Variants in C2CD4D observed in about 807,000 individuals in gnomAD.
C2CD4D encodes C2 calcium-dependent domain-containing protein 4D.
C2CD4D carries 1 observed loss-of-function variant against 0.2 expected under a neutral mutation model. That is an observed-to-expected ratio of 4.00 (90% CI 1.42 to 18.99). The LOEUF is 18.99. C2CD4D is among the 30% of genes most tolerant of loss of function. The pLI is 0.11. For synonymous variants in C2CD4D, 269 were observed against 279.8 expected (o/e 0.96, Z 0.39); for missense variants, 552 against 551.2 (o/e 1.00, Z -0.01).
rs1300152762 is a variant in C2CD4D at position 151,839,689 on chromosome 1, C to T, written c.-231-469G>A. ...TTCTGCTCCTGGCAGCCAGGGGACA[C>T]ACCTGGCTGCTGACCTCAGGACACC... On this transcript the variant is annotated intron_variant, in intron 1 of 1. In the 5' UTR this introduces an upstream ATG that the reference lacks. Transcript: ENST00000454109. 6.6e-6 allele frequency among the ~76,000 whole-genome samples: 1 copy of T among 152,154 alleles called. No individual in the cohort carries two copies. The highest frequency in any genetic ancestry group is 2.4e-5 in the African/African-American group (1 of 41,436).
exon 2 of C2CD4D, chr1:151,838,485 G>A (rs754762655): frequency 7.2e-7 from 1 of 1,397,488 alleles, no homozygotes; most frequent in South Asian, 1.6e-5. Context: ...TCTGGGGACA[G>A]AGAGTGAGGC....
At chr1:151,839,483 T>C (rs1652715631) in intron 1 of C2CD4D, among the ~76,000 whole-genome samples, 181 bp downstream of exon 1, 2 of 152,120 alleles carry the variant, frequency 1.3e-5, no homozygotes, top group Admixed American at 6.5e-5. Context: ...CCCCCGCCCA[T>C]TTCGAAGACT....
exon 2 of C2CD4D, chr1:151,837,903 G>A: frequency 6.7e-7 from 1 of 1,495,504 alleles, no homozygotes; most frequent in Non-Finnish European, 9.0e-7. Flanking sequence ...CAGTGGAGAC[G>A]TCCTGAGGAA....
Position 151,838,050 on chromosome 1 carries a change from C to A in C2CD4D, c.940G>T (p.Ala314Ser), listed in dbSNP as rs1466057028. ...AGCAGCACATCCCTGCGAAGTCCCG[C>A]GCCCCTGTCTAGCACCTTGGCTCTC... is the stretch of plus-strand genomic sequence containing the variant. Residue 314 changes from alanine (A) to serine (S), a missense_variant, in exon 2 of 2, where the codon GCG (alanine) becomes TCG (serine). By Grantham distance (99) the Ala-to-Ser change is moderately conservative. Transcript: ENST00000454109. 7.1e-6 allele frequency: 11 copies of A among 1,551,506 alleles called. No individual in the cohort carries two copies. The East Asian group carries it at 2.2e-4, about 31-fold the overall frequency.
chr1:151,839,110 G>A (rs778911504), exon 2 of C2CD4D: 1 of 1,170,180 alleles, frequency 8.5e-7, no homozygotes, highest in Non-Finnish European at 1.2e-6. Context: ...TCAGAGGTGA[G>A]TGATGCTGGC....
At chr1:151,837,949 C>T (rs1188430164) in exon 2 of C2CD4D, 2 of 1,540,396 alleles carry the variant, frequency 1.3e-6, no homozygotes, top group Non-Finnish European at 1.8e-6. Flanking sequence ...GATGGGTGGG[C>T]GCCAGGGATG....
chr1:151,838,283 A>G, exon 2 of C2CD4D: 1 of 1,321,378 alleles, frequency 7.6e-7, no homozygotes, highest in Admixed American at 4.0e-5. Context: ...CACTAGGCGC[A>G]GCCGCAGCCG....
intron 1 of C2CD4D, among the ~76,000 whole-genome samples, 134 bp downstream of exon 1, chr1:151,839,530 G>A (rs1652717137): frequency 6.6e-6 from 1 of 152,160 alleles, no homozygotes; most frequent in African/African-American, 2.4e-5. Context: ...GCGCCCCTTG[G>A]GACTTCCTCC....
rs564914374 is a variant in C2CD4D, at chr1:151,838,660, C to A, written c.330G>T (p.Pro110=). 6.8e-3 allele frequency: 9,206 copies of A among 1,363,064 alleles called. 49 individuals are homozygous for A. The highest frequency in any genetic ancestry group is 8.0e-3 in the Non-Finnish European group (8,478 of 1,059,364). 84.4% of individuals were successfully genotyped at this position (1,363,064 alleles called of 1,614,324 possible). ...GGAGTCCCCCGGCCGGGGCAGGTGG[C>A]GGCCCGTGGAACAGGGATTCCCGCC... The change falls in exon 2 of 2, where the codon CCG becomes CCT. Residue 110 remains proline (P), a synonymous_variant. Coordinates refer to ENST00000454109, the Ensembl canonical transcript of C2CD4D.
rs916502288 is a variant in C2CD4D at position 151,838,468 on chromosome 1, C to T, written c.522G>A (p.Ala174=). ...AGTGCGGGCTGGTATCGGCCGAGCTCGCTTTTTCTGGGGACAGAGAGTGAG... is the reference window on the plus strand; with the variant it reads ...AGTGCGGGCTGGTATCGGCCGAGCTTGCTTTTTCTGGGGACAGAGAGTGAG... The change falls in exon 2 of 2, where the codon GCG becomes GCA. Residue 174 remains alanine, a synonymous_variant. Coordinates refer to ENST00000454109, the Ensembl canonical transcript of C2CD4D. The T allele has an allele frequency of 3.6e-6, 5 of 1,396,376 alleles. No homozygotes were observed. The African/African-American group carries it at 7.5e-5, about 21-fold the overall frequency. The allele number at this position is 1,396,376 out of a possible 1,614,324, so 86.5% of individuals were successfully genotyped here. A position where few individuals can be genotyped will look rare whatever the true frequency, so the allele number is the denominator to read the frequency against.
exon 2 of C2CD4D, chr1:151,838,540 G>T: frequency 7.5e-7 from 1 of 1,332,534 alleles, no homozygotes; most frequent in East Asian, 3.1e-5. Flanking sequence ...GGGAGCCGAA[G>T]GGCGACGAGT....
At chr1:151,839,863 A>G (rs1453431776) in intron 1 of C2CD4D, among the ~76,000 whole-genome samples, 43 bp from the exon 1 acceptor site, 1 of 148,788 alleles carries the variant, frequency 6.7e-6, no homozygotes, top group African/African-American at 2.5e-5. Context: ...CCTACTCTCC[A>G]CTCCTTTTCT....
At chr1:151,838,105 G>A (rs560988825) in exon 2 of C2CD4D, 3 of 1,551,444 alleles carry the variant, frequency 1.9e-6, no homozygotes, top group East Asian at 2.4e-5. Context: ...CCGGGGGGCC[G>A]AGCCCGTCGA....
At chr1:151,839,082 G>C (rs1652693448) in exon 2 of C2CD4D, 1 of 1,422,796 alleles carries the variant, frequency 7.0e-7, no homozygotes. Flanking sequence ...GCGGGGCTGG[G>C]CGAGGAGCGC....
At chr1:151,839,338 T>G in intron 1 of C2CD4D, 118 bp from the exon 2 acceptor site, 1 of 317,276 alleles carries the variant, frequency 3.2e-6, no homozygotes, top group Non-Finnish European at 5.8e-6. Context: ...ACCTTACAGT[T>G]AGAGGGCCCA....
At position 151,838,927 on chromosome 1, in the gene C2CD4D, C is replaced by T. The variant is rs1047652770; in HGVS notation, c.63G>A (p.Ala21=). 15 of 1,549,944 alleles carry T rather than the reference C, an allele frequency of 9.7e-6. 1 individual carries two copies. In the African/African-American group the frequency reaches 1.1e-4, roughly 11 times the overall value. ...GACGCTTGGAGAACAGGCCGGAAGG[C>T]GCCCAACGGGCCGCAGGCTCCGCGG... The change falls in exon 2 of 2, where the codon GCG becomes GCA. Residue 21 remains alanine (A), a synonymous_variant. Coordinates refer to ENST00000454109, the Ensembl canonical transcript of C2CD4D.
At chr1:151,838,000 A>C (rs1333788152) in exon 2 of C2CD4D, 2 of 1,550,988 alleles carry the variant, frequency 1.3e-6, no homozygotes, top group Non-Finnish European at 1.7e-6. Flanking sequence ...GCAGCAGCGC[A>C]ATGAGGGGCG....
At chr1:151,838,714 G>T in exon 2 of C2CD4D, 1 of 1,355,810 alleles carries the variant, frequency 7.4e-7, no homozygotes, top group Non-Finnish European at 9.5e-7. Flanking sequence ...CGGGCAGGAA[G>T]GCCCAGCCTT....
Position 151,838,945 on chromosome 1 carries a change from C to T in C2CD4D, c.45G>A (p.Glu15=), listed in dbSNP as rs532247828. Residue 15 remains glutamate, a synonymous_variant, in exon 2 of 2, where the codon GAG becomes GAA. Transcript: ENST00000454109. ...CGGAAGGCGCCCAACGGGCCGCAGG[C>T]TCCGCGGCCCCCACCTTATAGCCAG... is the stretch of plus-strand genomic sequence containing the variant. The T allele has an allele frequency of 1.9e-5, 29 of 1,550,008 alleles. No individual in the cohort carries two copies. In the South Asian group the frequency reaches 3.2e-4, roughly 17 times the overall value.
Sources: gnomAD v4.1 joint callset for allele counts (sites outside exome capture counted in the v4.1 genomes callset) on GRCh38, gnomAD v4.1.1 for gene constraint, MANE v1.5 for transcripts, NCBI Gene and HGNC (gene_info 2026-07-23, HGNC 2026-07-21) for gene names.